Variants in ITPR1 observed in about 807,000 individuals in gnomAD.
ITPR1 encodes inositol 1,4,5-trisphosphate receptor type 1.
Under a neutral mutation model 318.4 loss-of-function variants are expected in ITPR1, and 96 were observed. The observed-to-expected ratio is 0.30, with a 90% CI of 0.26 to 0.36. The LOEUF (loss-of-function observed/expected upper bound fraction) is 0.36, where lower values mean the gene tolerates loss of function less well. Ranked by LOEUF, ITPR1 falls within the 10% of genes least tolerant of loss-of-function variation. The pLI is 1.00. For synonymous variants in ITPR1, 1,312 were observed against 1,289.9 expected (o/e 1.02, Z -0.37); for missense variants, 2,440 against 3,460.2 (o/e 0.71, Z 7.40).
chr3:4,831,732 C>T (rs1357052763), intron 60 of ITPR1, among the ~76,000 whole-genome samples: 1 of 152,234 alleles, frequency 6.6e-6, no homozygotes, highest in Non-Finnish European at 1.5e-5. Context: ...CCTTCAGACG[C>T]TGGCTGGCTG....
chr3:4,640,268 G>A (rs1354221551), intron 6 of ITPR1, among the ~76,000 whole-genome samples: 1 of 152,130 alleles, frequency 6.6e-6, no homozygotes, highest in Non-Finnish European at 1.5e-5. Flanking sequence ...TTGCTATTAG[G>A]TATAGAGCAG....
chr3:4,564,933 G>A (rs752515439), intron 4 of ITPR1, among the ~76,000 whole-genome samples: 2 of 152,196 alleles, frequency 1.3e-5, no homozygotes, highest in Non-Finnish European at 2.9e-5. Context: ...ACGCAGTTCA[G>A]TTCATAAAAG....
intron 31 of ITPR1, among the ~76,000 whole-genome samples, chr3:4,690,734 G>A (rs1416974119): frequency 6.6e-6 from 1 of 152,166 alleles, no homozygotes; most frequent in East Asian, 1.9e-4. Context: ...TAAAGATACT[G>A]TCATATATTC....
At chr3:4,634,522 G>C (rs980132522) in intron 5 of ITPR1, among the ~76,000 whole-genome samples, 1 of 152,074 alleles carries the variant, frequency 6.6e-6, no homozygotes. Flanking sequence ...AAAAAATTCA[G>C]AGTACCTGAC....
At chr3:4,602,048 G>T (rs915176080) in intron 4 of ITPR1, among the ~76,000 whole-genome samples, 7 of 152,198 alleles carry the variant, frequency 4.6e-5, no homozygotes, top group African/African-American at 1.4e-4. Flanking sequence ...ATAAGCAGTG[G>T]TGAGAATGTG....
chr3:4,791,144 A>G (rs1010632109), intron 52 of ITPR1, among the ~76,000 whole-genome samples: 2 of 152,222 alleles, frequency 1.3e-5, no homozygotes, highest in Non-Finnish European at 2.9e-5. Flanking sequence ...GAATGTTACC[A>G]AGAGATGCCC....
At chr3:4,711,920 G>A in intron 39 of ITPR1, 52 bp downstream of exon 39, 1 of 936,672 alleles carries the variant, frequency 1.1e-6, no homozygotes, top group Non-Finnish European at 1.6e-6. Flanking sequence ...GAAACTGAAG[G>A]GAGGGACCTT....
chr3:4,655,455 C>T (rs1445240956), intron 12 of ITPR1, among the ~76,000 whole-genome samples: 1 of 152,150 alleles, frequency 6.6e-6, no homozygotes, highest in Admixed American at 6.5e-5. Flanking sequence ...GCTGTGTGAC[C>T]TTGGACAAGT....
chr3:4,739,773 G>A (rs2043563098), intron 44 of ITPR1, among the ~76,000 whole-genome samples: 1 of 152,212 alleles, frequency 6.6e-6, no homozygotes, highest in Non-Finnish European at 1.5e-5. Context: ...CTTTTGCTCT[G>A]TGTGATCTTG....
chr3:4,676,093 A>G (rs944068876), intron 23 of ITPR1, among the ~76,000 whole-genome samples: 6 of 152,050 alleles, frequency 3.9e-5, no homozygotes, highest in East Asian at 1.9e-4. Context: ...TGTAATACTA[A>G]CATTTTGGGA....
chr3:4,512,744 T>A (rs1227061157), intron 2 of ITPR1, among the ~76,000 whole-genome samples: 4 of 152,200 alleles, frequency 2.6e-5, no homozygotes, highest in African/African-American at 9.6e-5. Flanking sequence ...AAGCATTATT[T>A]CACCCATTGC....
At chr3:4,843,401 G>C (rs1006688476) in intron 61 of ITPR1, among the ~76,000 whole-genome samples, 1 of 152,124 alleles carries the variant, frequency 6.6e-6, no homozygotes, top group Admixed American at 6.5e-5. Flanking sequence ...TCCGATTTTG[G>C]AGATTATCAG....
intron 4 of ITPR1, among the ~76,000 whole-genome samples, chr3:4,627,065 C>G (rs947380031): frequency 1.3e-5 from 2 of 152,106 alleles, no homozygotes; most frequent in African/African-American, 4.8e-5. Context: ...AAGTGATCCA[C>G]CTGCCTCAGC....
intron 13 of ITPR1, among the ~76,000 whole-genome samples, chr3:4,660,167 G>T (rs1009437826): frequency 6.6e-6 from 1 of 152,052 alleles, no homozygotes; most frequent in Non-Finnish European, 1.5e-5. Flanking sequence ...TAGATCTTTG[G>T]AATATGATAC....
chr3:4,589,951 T>C lies in ITPR1; in HGVS notation c.164-37812T>C, dbSNP rs6795926. Among the ~76,000 whole-genome samples, 1,515 of 152,250 alleles carry C rather than the reference T, an allele frequency of 1.0e-2. 22 individuals are homozygous for C. The highest frequency in any genetic ancestry group is 0.034 in the African/African-American group (1,423 of 41,548). ...CTGGTTCTTTCAGCTCTAACCATAC[T>C]GGCTGCTTTCCTGTTCCCTGCACAC... On this transcript the variant is annotated intron_variant, in intron 4 of 61. Transcript: ENST00000649015.
At chr3:4,795,711 C>A (rs1409083950) in intron 53 of ITPR1, among the ~76,000 whole-genome samples, 1 of 152,142 alleles carries the variant, frequency 6.6e-6, no homozygotes, top group Non-Finnish European at 1.5e-5. Context: ...AATGTTTAGT[C>A]TATTAAGAGG....
At chr3:4,561,585 G>A (rs909308154) in intron 4 of ITPR1, among the ~76,000 whole-genome samples, 1 of 152,150 alleles carries the variant, frequency 6.6e-6, no homozygotes, top group South Asian at 2.1e-4. Context: ...AAAAGAAGAG[G>A]AAAGGAGAAA....
intron 44 of ITPR1, among the ~76,000 whole-genome samples, chr3:4,741,237 T>A (rs1050541668): frequency 3.9e-5 from 6 of 152,090 alleles, no homozygotes; most frequent in African/African-American, 1.4e-4. Flanking sequence ...CCAATACAGA[T>A]GTTTTGGGAT....
At chr3:4,766,050 C>G (rs1206829021) in intron 44 of ITPR1, among the ~76,000 whole-genome samples, 1 of 152,204 alleles carries the variant, frequency 6.6e-6, no homozygotes, top group Non-Finnish European at 1.5e-5. Context: ...GATTTATGGA[C>G]ATGTCATCCT....
Sources: allele counts gnomAD v4.1 joint callset (sites outside exome capture counted in the v4.1 genomes callset), GRCh38; gene constraint gnomAD v4.1.1; transcripts MANE v1.5; gene names NCBI Gene and HGNC (gene_info 2026-07-23, HGNC 2026-07-21).